The following TCF3 variants were observed in gnomAD, a reference collection of about 807,000 sequenced individuals.
TCF3 encodes transcription factor 3.
In TCF3, 54 loss-of-function variants were observed where a neutral mutation model predicts 72.3. The observed-to-expected ratio is 0.75, with a 90% CI of 0.60 to 0.94. The LOEUF (loss-of-function observed/expected upper bound fraction) is 0.94. TCF3 is among the 40% of genes least tolerant of loss of function. TCF3 has a pLI of 0.00. For missense variants in TCF3, 1,078 were observed against 934.4 expected, an observed-to-expected ratio of 1.15 and a Z score of -2.00; for synonymous variants, 525 against 412.6, an observed-to-expected ratio of 1.27 and a Z score of -3.30.
At position 1,625,782 on chromosome 19, in the gene TCF3, T is replaced by C. The variant is rs1311054525; in HGVS notation, c.367-74A>G. ...CAGGCTGTTCCATTCAAGAAAAAAC[T>C]GCAAAGGCCGAAGCCACTCAGACCC... On this transcript the variant is annotated intron_variant, in intron 6 of 18. Coordinates refer to ENST00000262965, the MANE Select transcript of TCF3 (RefSeq NM_003200.5). 4.2e-6 allele frequency: 6 copies of C among 1,418,140 alleles called. No homozygotes were observed. The East Asian group carries it at 1.2e-4, about 29-fold the overall frequency. The allele number at this position is 1,418,140 out of a possible 1,614,324, so 87.8% of individuals were successfully genotyped here. A position where few individuals can be genotyped will look rare whatever the true frequency, so the allele number is the denominator to read the frequency against.
chr19:1,612,848 C>T (rs1049790944), intron 18 of TCF3, among the ~76,000 whole-genome samples: 2 of 146,986 alleles, frequency 1.4e-5, no homozygotes, highest in African/African-American at 2.5e-5. Flanking sequence ...TGCAGGTACA[C>T]GGCTGGTGTC....
chr19:1,619,564 T>G, intron 14 of TCF3, 90 bp from the exon 15 acceptor site: 1 of 1,472,872 alleles, frequency 6.8e-7, no homozygotes, highest in South Asian at 1.3e-5. Flanking sequence ...AAGTGGCCGG[T>G]GGTCCCATCT....
At chr19:1,640,917 G>A (rs2065145177) in intron 3 of TCF3, among the ~76,000 whole-genome samples, 1 of 152,234 alleles carries the variant, frequency 6.6e-6, no homozygotes, top group Admixed American at 6.5e-5. Flanking sequence ...GGGAGGCCGA[G>A]GTGGGTGGAT....
At position 1,627,797 on chromosome 19, in the gene TCF3, C is replaced by T. The variant is rs529291292; in HGVS notation, c.299-371G>A. Among the ~76,000 whole-genome samples, 39 of 137,150 alleles carry T rather than the reference C, an allele frequency of 2.8e-4. No homozygotes were observed. In the East Asian group the frequency reaches 4.8e-3, roughly 17 times the overall value. The allele number at this position is 137,150 out of a possible 152,430, so 90.0% of individuals were successfully genotyped here. A position where few individuals can be genotyped will look rare whatever the true frequency, so the allele number is the denominator to read the frequency against. On this transcript the variant is annotated intron_variant, in intron 5 of 18. Transcript: ENST00000262965. Reference sequence around the variant, plus strand: ...ACGGGGTGAGGTGGGAAGGGGACAGCAGAGCTCACAGGGGGTGAGGCGGGA... The same window carrying T: ...ACGGGGTGAGGTGGGAAGGGGACAGTAGAGCTCACAGGGGGTGAGGCGGGA...
chr19:1,641,493 C>T (rs2065236551), intron 3 of TCF3, among the ~76,000 whole-genome samples: 1 of 152,158 alleles, frequency 6.6e-6, no homozygotes, highest in Non-Finnish European at 1.5e-5. Context: ...CCCTCTGTCC[C>T]CGAGGCCAGA....
At position 1,623,969 on chromosome 19, in the gene TCF3, C is replaced by T. The variant is rs199702817; in HGVS notation, c.531G>A (p.Pro177=). ...DTQPKKVRKV[P]PGLPSSVYPP... ...GACTCACCGAGGATGGAAGACCCGG[C>T]GGGACCTTCCGGACCTTCTTGGGCT... is the stretch of plus-strand genomic sequence containing the variant. The change falls in exon 8 of 19, where the codon CCG becomes CCA. Residue 177 remains proline, a synonymous_variant. Coordinates refer to ENST00000262965, the MANE Select transcript of TCF3 (RefSeq NM_003200.5). The T allele has an allele frequency of 3.1e-6, 5 of 1,613,468 alleles. No individual in the cohort carries two copies. Among genetic ancestry groups the T allele is most frequent in the East Asian group, 2.2e-5 (1 of 44,884 alleles).
intron 18 of TCF3, among the ~76,000 whole-genome samples, chr19:1,612,952 G>A (rs956580287): frequency 3.4e-5 from 5 of 148,638 alleles, no homozygotes; most frequent in Admixed American, 6.8e-5. Flanking sequence ...CACAGCTTAC[G>A]TTGCTGGGCA....
intron 1 of TCF3, chr19:1,651,351 C>T (rs2067011374): frequency 4.4e-6 from 1 of 227,838 alleles, no homozygotes; most frequent in Non-Finnish European, 8.7e-6. Flanking sequence ...GAAATCCCCT[C>T]TTTGTCTGCC....
At chr19:1,632,254 C>T in intron 4 of TCF3, 78 bp downstream of exon 4, 1 of 1,545,650 alleles carries the variant, frequency 6.5e-7, no homozygotes, top group Admixed American at 2.0e-5. Context: ...CTTCTCTCAG[C>T]CTCAGTTTCC....
intron 3 of TCF3, among the ~76,000 whole-genome samples, chr19:1,637,808 C>T (rs904667905): frequency 1.3e-5 from 2 of 152,060 alleles, no homozygotes; most frequent in Non-Finnish European, 2.9e-5. Flanking sequence ...ACTCGGGAGG[C>T]TGAGGCAGGA....
In TCF3 at chr19:1,615,621, G is replaced by A. The variant is rs1403683103; in HGVS notation, c.1586+65C>T. 2 of 1,610,792 alleles carry A rather than the reference G, an allele frequency of 1.2e-6. No individual in the cohort carries two copies. Among genetic ancestry groups the A allele is most frequent in the African/African-American group, 1.3e-5 (1 of 75,012 alleles). Reference sequence around the variant, plus strand: ...CTCCCAGTGTGGGTGCGGTGTGCGTGTGGCCTGTGCACATGTGCGTCCTGA... The same window carrying A: ...CTCCCAGTGTGGGTGCGGTGTGCGTATGGCCTGTGCACATGTGCGTCCTGA... On this transcript the variant is annotated intron_variant, in intron 17 of 18. Transcript: ENST00000262965. The surrounding 1 kb of genome is among the most constrained non-coding windows in gnomAD (Gnocchi z 7.3).
chr19:1,652,200 C>T (rs1191804664), intron 1 of TCF3, 100 bp downstream of exon 1: 1 of 117,188 alleles, frequency 8.5e-6, no homozygotes, highest in Non-Finnish European at 1.8e-5. Context: ...CCAACTTCCT[C>T]CGCGCCCCCC....
Position 1,632,345 on chromosome 19 carries a change from AAGG to A in TCF3, c.203_205del (p.Ser68del), listed in dbSNP as rs2063811683. On this transcript the variant is annotated inframe_deletion, in exon 4 of 19. Transcript: ENST00000262965. ...GGGGACTCCTACCCGGCTGGGGTCA[AAGG>A]AGGAGCTGCTCTGGTCGCCGCTGCC... 1 of 1,589,490 alleles carries A rather than the reference AAGG, an allele frequency of 6.3e-7. No individual in the cohort carries two copies. The highest frequency in any genetic ancestry group is 1.3e-5 in the African/African-American group (1 of 74,564).
rs1039845812 is a variant in TCF3, at chr19:1,646,343, G to T, written c.145+12C>A. ...TCACTCCACGAGCGCTGGCAGGAAG[G>T]CGGGGTCCTACCTGAACCTCCGAAC... On this transcript the variant is annotated intron_variant, in intron 3 of 18. Transcript: ENST00000262965. 22 of 1,550,064 alleles carry T rather than the reference G, an allele frequency of 1.4e-5. No homozygotes were observed. The highest frequency in any genetic ancestry group is 1.9e-5 in the Non-Finnish European group (22 of 1,146,524).
intron 2 of TCF3, among the ~76,000 whole-genome samples, chr19:1,649,188 C>T (rs1299905600): frequency 1.3e-5 from 2 of 152,238 alleles, no homozygotes; most frequent in African/African-American, 2.4e-5. Context: ...ACAATGGTGG[C>T]GCTGCTGTCT....
In TCF3 at chr19:1,609,435, AT is replaced by A. The variant is rs367769486; in HGVS notation, c.*2271del. 3.9e-4 allele frequency: 80 copies of A among 205,188 alleles called. 2 individuals carry two copies. In the South Asian group the frequency reaches 8.3e-3, roughly 21 times the overall value. 12.7% of individuals were successfully genotyped at this position (205,188 alleles called of 1,614,324 possible). Reference sequence around the variant, plus strand: ...GTATACAATTATTTTCTTTAAAAAAATTTTTTTGAAAACCATCTTGAGGCAC... The same window carrying A: ...GTATACAATTATTTTCTTTAAAAAAATTTTTTGAAAACCATCTTGAGGCAC... On this transcript the variant is annotated 3_prime_UTR_variant, in exon 19 of 19. Coordinates refer to ENST00000262965, the MANE Select transcript of TCF3 (RefSeq NM_003200.5).
chr19:1,630,283 G>T (rs534103692), intron 5 of TCF3, among the ~76,000 whole-genome samples: 2 of 152,182 alleles, frequency 1.3e-5, no homozygotes, highest in African/African-American at 4.8e-5. Flanking sequence ...CACCTACCCC[G>T]TAAGGGGAAC....
At chr19:1,619,271 C>G in intron 15 of TCF3, 37 bp from the exon 16 acceptor site, 1 of 1,570,366 alleles carries the variant, frequency 6.4e-7, no homozygotes. Flanking sequence ...CAGGGGGAGC[C>G]GGGTCCCCGC....
chr19:1,627,160 C>T (rs890596791), intron 6 of TCF3, among the ~76,000 whole-genome samples, 199 bp downstream of exon 6: 2 of 152,138 alleles, frequency 1.3e-5, no homozygotes, highest in African/African-American at 2.4e-5. Context: ...CAGGCCTTGG[C>T]CTCCCTGGTC....
Sources: gnomAD v4.1 joint callset for allele counts (sites outside exome capture counted in the v4.1 genomes callset) on GRCh38, gnomAD v4.1.1 for gene constraint, Gnocchi (gnomAD v3.1) non-coding constraint, MANE v1.5 for transcripts, NCBI Gene and HGNC (gene_info 2026-07-23, HGNC 2026-07-21) for gene names.